Variants in AIG1 observed in about 807,000 individuals in gnomAD.
The protein encoded by AIG1 is androgen induced 1.
AIG1 carries 23 observed loss-of-function variants against 31.4 expected under a neutral mutation model. The ratio of observed to expected loss-of-function variants is 0.73; its 90% confidence interval spans 0.53 to 1.04. The LOEUF (loss-of-function observed/expected upper bound fraction) is 1.04. AIG1 is among the 50% of genes least tolerant of loss of function. AIG1 has a pLI of 0.00. For missense variants in AIG1, 274 were observed against 295.0 expected, an observed-to-expected ratio of 0.93 and a Z score of 0.52; for synonymous variants, 100 against 110.5, an observed-to-expected ratio of 0.90 and a Z score of 0.60.
chr6:143,245,764 A>G (rs919148897), intron 3 of AIG1, among the ~76,000 whole-genome samples: 6 of 151,720 alleles, frequency 4.0e-5, no homozygotes, highest in Non-Finnish European at 7.4e-5. Flanking sequence ...GGGAGCCTGC[A>G]AACATCATCT....
At chr6:143,246,537 A>G (rs542740200) in intron 3 of AIG1, among the ~76,000 whole-genome samples, 1 of 152,296 alleles carries the variant, frequency 6.6e-6, no homozygotes, top group South Asian at 2.1e-4. Context: ...GCAATTTAAG[A>G]TGAGATTTAG....
At chr6:143,166,784 C>T (rs1179780756) in intron 3 of AIG1, among the ~76,000 whole-genome samples, 2 of 152,068 alleles carry the variant, frequency 1.3e-5, no homozygotes, top group East Asian at 3.9e-4. Context: ...TTCACAGTGG[C>T]GCTACAAATA....
At chr6:143,343,467 A>G (rs1777897271), downstream of AIG1, 1 of 301,362 alleles carries the variant, frequency 3.3e-6, no homozygotes, top group East Asian at 6.9e-5. Context: ...GATCATGGCT[A>G]CGTTCCCGCC....
At position 143,326,978 on chromosome 6, in the gene AIG1, C is replaced by T. The variant is rs1031599379; in HGVS notation, c.516-6304C>T. On this transcript the variant is annotated intron_variant, in intron 4 of 5. Coordinates refer to ENST00000357847, the MANE Select transcript of AIG1 (RefSeq NM_016108.4). The surrounding 1 kb of genome is among the most constrained non-coding windows in gnomAD (Gnocchi z 4.5). ...AAACTTTGGGTCTCTAACAAAAAAT[C>T]AGTGGGAGGCCTTTGACATGTTGAA... 1.3e-5 allele frequency among the ~76,000 whole-genome samples: 2 copies of T among 152,128 alleles called. No homozygotes were observed. Among genetic ancestry groups the T allele is most frequent in the African/African-American group, 4.8e-5 (2 of 41,442 alleles).
At chr6:143,309,827 C>A (rs1200886599) in intron 4 of AIG1, among the ~76,000 whole-genome samples, 1 of 151,156 alleles carries the variant, frequency 6.6e-6, no homozygotes, top group African/African-American at 2.4e-5. Flanking sequence ...TAACACTAAT[C>A]AAAATAAATC....
rs1798697867 is a variant in AIG1, at chr6:143,299,740, T to C, written c.515+15515T>C. On this transcript the variant is annotated intron_variant, in intron 4 of 5. Coordinates refer to ENST00000357847, the MANE Select transcript of AIG1 (RefSeq NM_016108.4). The surrounding 1 kb of genome is among the most constrained non-coding windows in gnomAD (Gnocchi z 4.1). ...CTGCCTCTTCTCAGAACGCCACACA[T>C]CAGCTCTGCTAAACTGCTTGTAGTT... Among the ~76,000 whole-genome samples, 1 of 152,170 alleles carries C rather than the reference T, an allele frequency of 6.6e-6. No individual in the cohort carries two copies. The highest frequency in any genetic ancestry group is 1.5e-5 in the Non-Finnish European group (1 of 68,030).
At chr6:143,115,183 G>T (rs75820361) in intron 1 of AIG1, among the ~76,000 whole-genome samples, 2,348 of 152,272 alleles carry the variant, frequency 0.015, 60 homozygotes, top group African/African-American at 0.053. Context: ...TTATGCAGAA[G>T]TCTTTGTGAC....
chr6:143,094,420 G>A (rs990977126), intron 1 of AIG1: 1 of 152,300 alleles, frequency 6.6e-6, no homozygotes, highest in Admixed American at 6.5e-5. Context: ...GTTGTAGGTT[G>A]TTGCTAATGG....
chr6:143,187,164 C>T (rs1448020586), intron 3 of AIG1, among the ~76,000 whole-genome samples: 1 of 152,106 alleles, frequency 6.6e-6, no homozygotes, highest in Non-Finnish European at 1.5e-5. Context: ...AATGAAATTC[C>T]TTAAAAGCTG....
At chr6:143,059,343 G>A (rs1463665541), upstream of AIG1, among the ~76,000 whole-genome samples, 4 of 152,072 alleles carry the variant, frequency 2.6e-5, no homozygotes, top group African/African-American at 9.7e-5. Context: ...AAGGTCTGCC[G>A]CTTCATTCTT....
chr6:143,257,617 T>C (rs191389749), intron 3 of AIG1, among the ~76,000 whole-genome samples: 2 of 152,364 alleles, frequency 1.3e-5, no homozygotes, highest in African/African-American at 4.8e-5. Context: ...TGTTTTATTT[T>C]AGTTCTCACA....
intron 1 of AIG1, among the ~76,000 whole-genome samples, chr6:143,106,443 A>G (rs902187356): frequency 1.3e-5 from 2 of 152,312 alleles, no homozygotes; most frequent in Non-Finnish European, 2.9e-5. Context: ...ATGCATGGTT[A>G]TCTGTTACTT....
At chr6:143,342,183 A>G, downstream of AIG1, 1 of 604,530 alleles carries the variant, frequency 1.7e-6, no homozygotes, top group South Asian at 1.7e-5. Flanking sequence ...TTGGCCTCTC[A>G]AAGTACTGGG....
Position 143,327,494 on chromosome 6 carries a change from TG to T in AIG1, c.516-5785del. The T allele has an allele frequency of 2.6e-6, 1 of 386,876 alleles. No individual in the cohort carries two copies. Among genetic ancestry groups the T allele is most frequent in the Non-Finnish European group, 4.9e-6 (1 of 203,650 alleles). The allele number at this position is 386,876 out of a possible 1,614,324, so 24.0% of individuals were successfully genotyped here. A position where few individuals can be genotyped will look rare whatever the true frequency, so the allele number is the denominator to read the frequency against. ...TGATACCAGGCCCAACAAAACTGTC[TG>T]GGCCAAAGGAATAAGGAATGTCCCA... On this transcript the variant is annotated intron_variant, in intron 4 of 5. Coordinates refer to ENST00000357847, the MANE Select transcript of AIG1 (RefSeq NM_016108.4). This position sits in a 1 kb window ranked among gnomAD's most constrained non-coding sequence, Gnocchi z 5.3.
chr6:143,123,330 T>C (rs1482515307), intron 1 of AIG1, among the ~76,000 whole-genome samples: 1 of 152,224 alleles, frequency 6.6e-6, no homozygotes, highest in Non-Finnish European at 1.5e-5. Flanking sequence ...ACACTAATGA[T>C]GATTTCATTA....
intron 4 of AIG1, among the ~76,000 whole-genome samples, chr6:143,296,682 C>G (rs1184563048): frequency 6.6e-6 from 1 of 152,096 alleles, no homozygotes; most frequent in African/African-American, 2.4e-5. Flanking sequence ...GCTTATACCC[C>G]AAGAGTCAAC....
chr6:143,084,505 T>C (rs1778586027), intron 1 of AIG1, among the ~76,000 whole-genome samples: 1 of 152,220 alleles, frequency 6.6e-6, no homozygotes, highest in African/African-American at 2.4e-5. Context: ...CCATTCCACC[T>C]GCTCCTCCTG....
intron 1 of AIG1, among the ~76,000 whole-genome samples, chr6:143,121,420 C>T (rs1234505789): frequency 6.6e-6 from 1 of 152,252 alleles, no homozygotes; most frequent in East Asian, 1.9e-4. Context: ...AGTGCCTGAG[C>T]ATACCACAAC....
intron 3 of AIG1, among the ~76,000 whole-genome samples, chr6:143,252,395 A>G (rs760401114): frequency 6.6e-6 from 1 of 152,154 alleles, no homozygotes; most frequent in Non-Finnish European, 1.5e-5. Flanking sequence ...TGCTGGGATT[A>G]CAGACGTGAG....
Sources: gnomAD v4.1 joint callset for allele counts (sites outside exome capture counted in the v4.1 genomes callset) on GRCh38, gnomAD v4.1.1 for gene constraint, Gnocchi (gnomAD v3.1) non-coding constraint, MANE v1.5 for transcripts, NCBI Gene and HGNC (gene_info 2026-07-23, HGNC 2026-07-21) for gene names.